The following CAMK1D variants were observed in gnomAD, a reference collection of about 807,000 sequenced individuals.
CAMK1D encodes the protein calcium/calmodulin dependent protein kinase ID, also known as calcium/calmodulin-dependent protein kinase type 1D.
CAMK1D carries 9 observed loss-of-function variants against 47.7 expected under a neutral mutation model. The ratio of observed to expected loss-of-function variants is 0.19; its 90% CI spans 0.11 to 0.33. CAMK1D has a LOEUF of 0.33. Among genes scored for constraint, CAMK1D ranks in the 10% least tolerant of loss-of-function variants. CAMK1D has a pLI of 1.00. For missense variants in CAMK1D, 291 were observed against 488.7 expected, an observed-to-expected ratio of 0.60 and a Z score of 3.81; for synonymous variants, 184 against 184.9, an observed-to-expected ratio of 0.99 and a Z score of 0.04.
intron 1 of CAMK1D, among the ~76,000 whole-genome samples, chr10:12,401,612 C>T (rs1192563388): frequency 2.0e-5 from 3 of 151,320 alleles, no homozygotes; most frequent in Non-Finnish European, 4.4e-5. Flanking sequence ...CCACAAGGAG[C>T]CTCAGAAGGG....
chr10:12,678,033 G>GAA (rs35591455), intron 3 of CAMK1D, among the ~76,000 whole-genome samples: 8 of 150,536 alleles, frequency 5.3e-5, no homozygotes, highest in Admixed American at 2.0e-4. Context: ...AGAAGATAAA[G>GAA]AAAAAAAAAG....
intron 1 of CAMK1D, among the ~76,000 whole-genome samples, chr10:12,367,695 G>A (rs1447333884): frequency 6.6e-6 from 1 of 152,082 alleles, no homozygotes; most frequent in Non-Finnish European, 1.5e-5. Context: ...CAGGGCTTGT[G>A]TTCTGATGAG....
intron 1 of CAMK1D, among the ~76,000 whole-genome samples, chr10:12,529,804 G>A (rs1353453637): frequency 1.3e-5 from 2 of 152,166 alleles, no homozygotes; most frequent in African/African-American, 4.8e-5. Flanking sequence ...AATATATATT[G>A]TAATGATTTT....
chr10:12,694,278 C>T (rs141895878), intron 3 of CAMK1D, among the ~76,000 whole-genome samples: 1,567 of 7,270 alleles, frequency 0.22, 419 homozygotes, highest in African/African-American at 0.37. Context: ...ATATATTATA[C>T]ATAATATAAA....
chr10:12,643,900 AT>A (rs1186128806), intron 2 of CAMK1D, among the ~76,000 whole-genome samples: 3 of 150,490 alleles, frequency 2.0e-5, no homozygotes, highest in African/African-American at 7.3e-5. Flanking sequence ...AAAAAAAAAA[AT>A]CTAATGCGTG....
chr10:12,523,627 C>T (rs1336519576), intron 1 of CAMK1D, among the ~76,000 whole-genome samples: 3 of 152,154 alleles, frequency 2.0e-5, no homozygotes, highest in Admixed American at 6.5e-5. Context: ...CGCCTGCAAT[C>T]GCAGGCACTC....
chr10:12,470,519 TC>T lies in CAMK1D; in HGVS notation c.93-82705del, dbSNP rs1833713411. On this transcript the variant is annotated intron_variant, in intron 1 of 10. Coordinates refer to ENST00000619168, the MANE Select transcript of CAMK1D (RefSeq NM_153498.4). The stretch of plus-strand genomic sequence containing the variant: ...TGCTTCTTCTTCTTCTTTTTCTTCT[TC>T]TTTTTTTTTTCTTCCAACATGGAGT... Among the ~76,000 whole-genome samples, 6 of 116,220 alleles carry T rather than the reference TC, an allele frequency of 5.2e-5. No homozygotes were observed. In the South Asian group the frequency reaches 1.6e-3, roughly 31 times the overall value. The allele number at this position is 116,220 out of a possible 152,430, so 76.2% of individuals were successfully genotyped here.
At position 12,356,382 on chromosome 10, in the gene CAMK1D, C is replaced by T. The variant is rs550747640; in HGVS notation, c.92+6472C>T. 1.4e-4 allele frequency among the ~76,000 whole-genome samples: 21 copies of T among 152,244 alleles called. No individual in the cohort carries two copies. The South Asian group carries it at 3.3e-3, about 24-fold the overall frequency. On this transcript the variant is annotated intron_variant, in intron 1 of 10. Transcript: ENST00000619168. ...GCTCTGTCTACACATTATGGGTGCC[C>T]GTGTGCTGGGAGGCTCTGGAAACGG...
rs1180879850 is a variant in CAMK1D, at chr10:12,834,707, TGAG to T, written c.*5827_*5829del. ...TTCTTATGGACAGGAAAAAAGAAAA[TGAG>T]GAGGAGTTGGTTTTACTCTTAGAGA... On this transcript the variant is annotated 3_prime_UTR_variant, in exon 11 of 11. Transcript: ENST00000619168. 1 of 152,038 alleles carries T rather than the reference TGAG, an allele frequency of 6.6e-6. No individual in the cohort carries two copies. The highest frequency in any genetic ancestry group is 1.5e-5 in the Non-Finnish European group (1 of 68,016). 9.4% of individuals were successfully genotyped at this position (152,038 alleles called of 1,614,324 possible).
chr10:12,435,991 G>A (rs1048349031), intron 1 of CAMK1D, among the ~76,000 whole-genome samples: 1 of 152,176 alleles, frequency 6.6e-6, no homozygotes, highest in African/African-American at 2.4e-5. Flanking sequence ...GGGGACAGTC[G>A]GGAATGAGTC....
chr10:12,422,121 T>C (rs776907820), intron 1 of CAMK1D, among the ~76,000 whole-genome samples: 19 of 152,114 alleles, frequency 1.2e-4, no homozygotes, highest in Non-Finnish European at 2.5e-4. Context: ...GGGACACTTT[T>C]TGATAGCTCC....
At chr10:12,495,429 G>A (rs181075018) in intron 1 of CAMK1D, among the ~76,000 whole-genome samples, 65 of 152,290 alleles carry the variant, frequency 4.3e-4, no homozygotes, top group African/African-American at 1.3e-3. Context: ...ACCATGATAT[G>A]CCTTTTCCGA....
chr10:12,816,403 C>A, intron 8 of CAMK1D, 75 bp downstream of exon 8: 2 of 1,182,648 alleles, frequency 1.7e-6, no homozygotes, highest in Non-Finnish European at 2.5e-6. Context: ...TCCTGTTGGC[C>A]GTTGTCATTT....
At chr10:12,445,084 C>A (rs1372098656) in intron 1 of CAMK1D, among the ~76,000 whole-genome samples, 1 of 152,224 alleles carries the variant, frequency 6.6e-6, no homozygotes, top group Non-Finnish European at 1.5e-5. Flanking sequence ...TAGAGACAGG[C>A]TGGAATTTGG....
intron 1 of CAMK1D, among the ~76,000 whole-genome samples, chr10:12,540,884 C>T (rs1018560583): frequency 6.7e-6 from 1 of 148,434 alleles, no homozygotes; most frequent in Non-Finnish European, 1.5e-5. Flanking sequence ...ACTGGTTGGT[C>T]GGGCACTGGT....
At chr10:12,471,069 A>T (rs141818556) in intron 1 of CAMK1D, among the ~76,000 whole-genome samples, 154 of 150,768 alleles carry the variant, frequency 1.0e-3, no homozygotes, top group African/African-American at 3.6e-3. Flanking sequence ...TTCCCACATT[A>T]TTTTCCTCCA....
intron 1 of CAMK1D, among the ~76,000 whole-genome samples, chr10:12,481,948 C>G (rs1834077594): frequency 6.6e-6 from 1 of 152,120 alleles, no homozygotes; most frequent in Non-Finnish European, 1.5e-5. Flanking sequence ...GTGGATCACT[C>G]ACGATGCTTA....
chr10:12,651,734 G>T (rs1839972273), intron 2 of CAMK1D, among the ~76,000 whole-genome samples: 1 of 151,796 alleles, frequency 6.6e-6, no homozygotes, highest in Non-Finnish European at 1.5e-5. Context: ...AAACTGTAAA[G>T]AGGCCAAAGA....
chr10:12,677,604 C>T (rs1173043856), intron 3 of CAMK1D, among the ~76,000 whole-genome samples: 1 of 152,116 alleles, frequency 6.6e-6, no homozygotes, highest in Non-Finnish European at 1.5e-5. Context: ...GATGGAGGTG[C>T]TGCCACGAGA....
Sources: gnomAD v4.1 joint callset for allele counts (sites outside exome capture counted in the v4.1 genomes callset) on GRCh38, gnomAD v4.1.1 for gene constraint, MANE v1.5 for transcripts, NCBI Gene and HGNC (gene_info 2026-07-23, HGNC 2026-07-21) for gene names.